Variants in SGMS1 observed in about 807,000 individuals in gnomAD.
SGMS1 encodes the protein sphingomyelin synthase 1, also known as phosphatidylcholine:ceramide cholinephosphotransferase 1.
Under a neutral mutation model 46.2 loss-of-function variants are expected in SGMS1, and 13 were observed. The ratio of observed to expected loss-of-function variants is 0.28; its 90% CI spans 0.18 to 0.45. The LOEUF is 0.45. Among genes scored for constraint, SGMS1 ranks in the 20% least tolerant of loss-of-function variants. SGMS1 has a pLI of 1.00. For synonymous variants in SGMS1, 203 were observed against 187.8 expected (o/e 1.08, Z -0.66); for missense variants, 324 against 519.9 (o/e 0.62, Z 3.66).
At chr10:50,397,915 A>ATC (rs1204757313) in intron 6 of SGMS1, among the ~76,000 whole-genome samples, 4 of 152,158 alleles carry the variant, frequency 2.6e-5, no homozygotes, top group Non-Finnish European at 5.9e-5. Flanking sequence ...TGAAATAGGT[A>ATC]GAGTGGCACC....
intron 6 of SGMS1, among the ~76,000 whole-genome samples, chr10:50,415,005 C>T (rs1849149888): frequency 6.6e-6 from 1 of 152,212 alleles, no homozygotes; most frequent in Non-Finnish European, 1.5e-5. Context: ...CCTGTAGTCC[C>T]AGCTATTCAG....
At chr10:50,444,346 C>A (rs1279870185) in intron 5 of SGMS1, among the ~76,000 whole-genome samples, 1 of 152,002 alleles carries the variant, frequency 6.6e-6, no homozygotes, top group Non-Finnish European at 1.5e-5. Context: ...AGACTTATAT[C>A]CCTCATAAAA....
At chr10:50,346,385 A>AT (rs988164808) in intron 6 of SGMS1, among the ~76,000 whole-genome samples, 8 of 151,892 alleles carry the variant, frequency 5.3e-5, no homozygotes, top group Non-Finnish European at 1.2e-4. Flanking sequence ...CAGGGGGCTA[A>AT]TTTTTTTTCT....
chr10:50,586,676 G>A (rs1210136120), intron 2 of SGMS1, among the ~76,000 whole-genome samples: 2 of 152,206 alleles, frequency 1.3e-5, no homozygotes, highest in African/African-American at 2.4e-5. Context: ...GTGAGTCACA[G>A]GAAGAGCAGC....
intron 5 of SGMS1, among the ~76,000 whole-genome samples, chr10:50,443,907 A>C (rs1849576813): frequency 6.6e-6 from 1 of 152,122 alleles, no homozygotes; most frequent in Admixed American, 6.6e-5. Flanking sequence ...TAGGTTTCTT[A>C]TATTTTACAT....
intron 2 of SGMS1, among the ~76,000 whole-genome samples, chr10:50,541,263 T>C (rs758361260): frequency 8.5e-5 from 13 of 152,244 alleles, no homozygotes; most frequent in Non-Finnish European, 1.9e-4. Flanking sequence ...CCAGTAGAGA[T>C]GTTACCATGT....
chr10:50,339,341 C>A (rs1389193155), intron 7 of SGMS1, among the ~76,000 whole-genome samples: 1 of 152,214 alleles, frequency 6.6e-6, no homozygotes, highest in Non-Finnish European at 1.5e-5. Context: ...GTGTCTCCTG[C>A]ATCAACTACT....
chr10:50,376,151 C>T (rs190867433), intron 6 of SGMS1, among the ~76,000 whole-genome samples: 141 of 152,282 alleles, frequency 9.3e-4, no homozygotes, highest in African/African-American at 2.9e-3. Flanking sequence ...TGGCAGTTAA[C>T]AATGTACCAC....
rs73330986 is a variant in SGMS1, at chr10:50,386,101, C to T, written c.-231-41756G>A. ...TGGTAGTTATGTTATGAAATAATCC[C>T]GCCTTTTAAAATAGAAATCTAACAC... On this transcript the variant is annotated intron_variant, in intron 6 of 10. Coordinates refer to ENST00000361781, the MANE Select transcript of SGMS1 (RefSeq NM_147156.4). 4.8e-3 allele frequency among the ~76,000 whole-genome samples: 729 copies of T among 152,170 alleles called. 1 individual carries two copies. Among genetic ancestry groups the T allele is most frequent in the African/African-American group, 0.017 (704 of 41,498 alleles).
intron 6 of SGMS1, among the ~76,000 whole-genome samples, chr10:50,424,013 G>A (rs746188644): frequency 2.2e-4 from 33 of 152,126 alleles, no homozygotes; most frequent in East Asian, 3.9e-4. Context: ...TACACTGAAC[G>A]CGCAAAGAAA....
At chr10:50,552,028 A>G (rs752789729) in intron 2 of SGMS1, among the ~76,000 whole-genome samples, 3 of 152,202 alleles carry the variant, frequency 2.0e-5, no homozygotes, top group Non-Finnish European at 2.9e-5. Flanking sequence ...GTCACACGCA[A>G]TATGCAAACA....
rs541761967 is a variant in SGMS1 at position 50,524,858 on chromosome 10, A to G, written c.-588-4937T>C. On this transcript the variant is annotated intron_variant, in intron 2 of 10. Transcript: ENST00000361781. ...CAATGGTGACCCTATGACAACACTG[A>G]AAGGGTAAAAATAAGATGAGAGTAA... 4.6e-5 allele frequency among the ~76,000 whole-genome samples: 7 copies of G among 152,308 alleles called. No homozygotes were observed. The South Asian group carries it at 1.4e-3, about 32-fold the overall frequency.
chr10:50,624,213 T>G (rs1838890492), upstream of SGMS1: 2 of 701,744 alleles, frequency 2.9e-6, no homozygotes, highest in Non-Finnish European at 3.5e-6. Flanking sequence ...AAGTAAGGCC[T>G]AGCGGGAGCC....
chr10:50,407,533 C>T (rs17721694), intron 6 of SGMS1, among the ~76,000 whole-genome samples: 26,131 of 152,084 alleles, frequency 0.17, 2,740 homozygotes, highest in Admixed American at 0.23. Context: ...GACCTCCAAA[C>T]GGCCTCCTCC....
At chr10:50,549,754 C>T (rs967843329) in intron 2 of SGMS1, among the ~76,000 whole-genome samples, 2 of 152,172 alleles carry the variant, frequency 1.3e-5, no homozygotes, top group Admixed American at 6.5e-5. Context: ...CTCTGCTTTT[C>T]TCTTTATAAG....
At chr10:50,333,223 T>C (rs1471651888) in intron 7 of SGMS1, among the ~76,000 whole-genome samples, 3 of 152,374 alleles carry the variant, frequency 2.0e-5, no homozygotes, top group Non-Finnish European at 1.5e-5. Flanking sequence ...TCTTGTCTTT[T>C]AGTCCCAGGG....
chr10:50,344,640 C>T (rs886492773), intron 6 of SGMS1, among the ~76,000 whole-genome samples: 2 of 152,008 alleles, frequency 1.3e-5, no homozygotes, highest in African/African-American at 4.8e-5. Flanking sequence ...GAGAACGAGG[C>T]GGGCGGATCA....
At chr10:50,321,892 C>T (rs1324361661) in intron 8 of SGMS1, among the ~76,000 whole-genome samples, 2 of 152,258 alleles carry the variant, frequency 1.3e-5, no homozygotes, top group Non-Finnish European at 2.9e-5. Flanking sequence ...CATAGGGACC[C>T]GTTAGGCTGA....
chr10:50,364,073 A>C (rs566378987), intron 6 of SGMS1, among the ~76,000 whole-genome samples: 1 of 152,208 alleles, frequency 6.6e-6, no homozygotes, highest in East Asian at 1.9e-4. Flanking sequence ...CAATATGAAC[A>C]ATTCAATAGG....
Sources: gnomAD v4.1 joint callset for allele counts (sites outside exome capture counted in the v4.1 genomes callset) on GRCh38, gnomAD v4.1.1 for gene constraint, MANE v1.5 for transcripts, NCBI Gene and HGNC (gene_info 2026-07-23, HGNC 2026-07-21) for gene names.